The following SERF2 variants were observed in gnomAD, a reference collection of about 807,000 sequenced individuals.
SERF2 encodes small EDRK-rich factor 2, also known as gastric cancer-related protein VRG107.
Under a neutral mutation model 10.7 loss-of-function variants are expected in SERF2, and 4 were observed. That is an observed-to-expected ratio of 0.37 (90% CI 0.18 to 0.86). SERF2 has a LOEUF of 0.86. Among genes scored for constraint, SERF2 ranks in the 40% least tolerant of loss-of-function variants. The pLI is 0.43. For synonymous variants in SERF2, 26 were observed against 26.0 expected, an observed-to-expected ratio of 1.00 and a Z score of 0.01; for missense variants, 47 against 79.1, an observed-to-expected ratio of 0.59 and a Z score of 1.54.
At chr15:43,781,831 C>T (rs1374243039) in intron 1 of SERF2, among the ~76,000 whole-genome samples, 1 of 151,494 alleles carries the variant, frequency 6.6e-6, no homozygotes, top group Non-Finnish European at 1.5e-5. Flanking sequence ...ATCCACCTGC[C>T]TCGGCTTCTC....
Position 43,796,065 on chromosome 15 carries a change from T to A in SERF2, c.*2292T>A. The A allele has an allele frequency of 1.1e-6, 1 of 950,010 alleles. No homozygotes were observed. Among genetic ancestry groups the A allele is most frequent in the Non-Finnish European group, 1.7e-6 (1 of 585,518 alleles). The allele number at this position is 950,010 out of a possible 1,614,324, so 58.8% of individuals were successfully genotyped here. ...ATAAAAGGTAACAGCAGCTATAATC[T>A]GAGCATTCTGGGTAGAGGTTGGTAG... On this transcript the variant is annotated 3_prime_UTR_variant, in exon 3 of 3. Coordinates refer to ENST00000249786, the MANE Select transcript of SERF2 (RefSeq NM_001018108.4).
intron 1 of SERF2, among the ~76,000 whole-genome samples, chr15:43,778,628 G>A (rs886345669): frequency 6.8e-6 from 1 of 146,486 alleles, no homozygotes; most frequent in Non-Finnish European, 1.5e-5. Flanking sequence ...GGCTGGGTGC[G>A]GTAGCTCATG....
intron 1 of SERF2, among the ~76,000 whole-genome samples, chr15:43,785,053 A>ATTAT (rs1176540436): frequency 7.9e-6 from 1 of 126,410 alleles, no homozygotes; most frequent in African/African-American, 3.0e-5. Context: ...GTGCTCTGCC[A>ATTAT]TTATTTATTT....
chr15:43,788,598 C>T (rs1430065284), upstream of SERF2, among the ~76,000 whole-genome samples: 1 of 152,166 alleles, frequency 6.6e-6, no homozygotes, highest in Non-Finnish European at 1.5e-5. Flanking sequence ...AGACCTAGAG[C>T]CTGTTGCCTG....
rs776032811 is a variant in SERF2, at chr15:43,795,491, G to A, written c.*1718G>A. 6.2e-7 allele frequency: 1 copy of A among 1,614,220 alleles called. No individual in the cohort carries two copies. The highest frequency in any genetic ancestry group is 8.5e-7 in the Non-Finnish European group (1 of 1,180,036). On this transcript the variant is annotated 3_prime_UTR_variant, in exon 3 of 3. Transcript: ENST00000249786. Reference sequence around the variant, plus strand: ...GAAAGATGCTGGACTTGGACTGGAGGAGCTGGAGGGGTTTCTTGGTCAGCT... The same window carrying A: ...GAAAGATGCTGGACTTGGACTGGAGAAGCTGGAGGGGTTTCTTGGTCAGCT...
At chr15:43,788,167 G>A (rs1020450066), upstream of SERF2, among the ~76,000 whole-genome samples, 6 of 152,004 alleles carry the variant, frequency 3.9e-5, no homozygotes, top group Admixed American at 6.6e-5. Context: ...GAGCCACCAC[G>A]TTCAGCCTAA....
chr15:43,795,030 T>A lies in SERF2; in HGVS notation c.*1257T>A. ...CTGGAGGATATTTGTTATCTGGGGA[T>A]ATGATGCGGTGGCGGCGGCGCCTCA... is the stretch of plus-strand genomic sequence containing the variant. On this transcript the variant is annotated 3_prime_UTR_variant, in exon 3 of 3. Coordinates refer to ENST00000249786, the MANE Select transcript of SERF2 (RefSeq NM_001018108.4). 6.2e-7 allele frequency: 1 copy of A among 1,612,282 alleles called. No homozygotes were observed. Among genetic ancestry groups the A allele is most frequent in the Non-Finnish European group, 8.5e-7 (1 of 1,179,876 alleles).
chr15:43,795,115 A>G lies in SERF2; in HGVS notation c.*1342A>G. ...ACAGAGTGGTGCCAGTAACAGCCCC[A>G]GATAGAGGAGTACGCAGGCCCAGCA... On this transcript the variant is annotated 3_prime_UTR_variant, in exon 3 of 3. Coordinates refer to ENST00000249786, the MANE Select transcript of SERF2 (RefSeq NM_001018108.4). The G allele has an allele frequency of 6.2e-7, 1 of 1,614,080 alleles. No homozygotes were observed. Among genetic ancestry groups the G allele is most frequent in the Non-Finnish European group, 8.5e-7 (1 of 1,180,020 alleles).
chr15:43,791,683 C>CA (rs1312523904), upstream of SERF2, among the ~76,000 whole-genome samples: 1 of 152,240 alleles, frequency 6.6e-6, no homozygotes, highest in African/African-American at 2.4e-5. Context: ...CCAATACTTC[C>CA]AAGCTGCATG....
At position 43,780,579 on chromosome 15, in the gene SERF2, C is replaced by G. The variant is rs1016958334; in HGVS notation, c.-527+3077C>G. Among the ~76,000 whole-genome samples, 9 of 152,286 alleles carry G rather than the reference C, an allele frequency of 5.9e-5. No individual in the cohort carries two copies. In the East Asian group the frequency reaches 1.3e-3, roughly 23 times the overall value. On this transcript the variant is annotated intron_variant, in intron 1 of 4. Coordinates refer to the SERF2 transcript ENST00000381359. ...TTTAACAATTCCCGATTTCCCCCTC[C>G]TCCCAGCCCCTAGCAACAACCACCC...
upstream of SERF2, among the ~76,000 whole-genome samples, chr15:43,788,778 C>T (rs866649935): frequency 6.6e-6 from 1 of 152,198 alleles, no homozygotes; most frequent in South Asian, 2.1e-4. Context: ...GTTATTTAAC[C>T]TGCCAGGGCC....
Position 43,795,776 on chromosome 15 carries a change from A to G in SERF2, c.*2003A>G. 1 of 1,597,846 alleles carries G rather than the reference A, an allele frequency of 6.3e-7. No individual in the cohort carries two copies. Among genetic ancestry groups the G allele is most frequent in the Non-Finnish European group, 8.6e-7 (1 of 1,169,418 alleles). Reference sequence around the variant, plus strand: ...GCAGGTTTTGGAATGGTCTTAAAAGATGTGAGGGTGTTAATCTAGGAAACT... The same window carrying G: ...GCAGGTTTTGGAATGGTCTTAAAAGGTGTGAGGGTGTTAATCTAGGAAACT... On this transcript the variant is annotated 3_prime_UTR_variant, in exon 3 of 3. Transcript: ENST00000249786.
At chr15:43,783,922 C>T (rs2141669626) in intron 1 of SERF2, among the ~76,000 whole-genome samples, 1 of 137,228 alleles carries the variant, frequency 7.3e-6, no homozygotes, top group East Asian at 2.1e-4. Context: ...CCACCACGCC[C>T]AGCTATTTTT....
chr15:43,794,114 A>C lies in SERF2; in HGVS notation c.*341A>C. ...GGAAGAATGACTGCCCTTTCCCACC[A>C]AAAAAGGGAGAACTCTTTAGATTCA... On this transcript the variant is annotated 3_prime_UTR_variant, in exon 3 of 3. Coordinates refer to ENST00000249786, the MANE Select transcript of SERF2 (RefSeq NM_001018108.4). The C allele has an allele frequency of 1.4e-6, 1 of 739,510 alleles. No homozygotes were observed. 45.8% of individuals were successfully genotyped at this position (739,510 alleles called of 1,614,324 possible).
chr15:43,785,076 T>TG (rs1332392852), intron 1 of SERF2, among the ~76,000 whole-genome samples: 1 of 149,384 alleles, frequency 6.7e-6, no homozygotes, highest in Non-Finnish European at 1.5e-5. Flanking sequence ...TTATTACTTT[T>TG]TTTTTTTTTT....
intron 1 of SERF2, among the ~76,000 whole-genome samples, chr15:43,780,713 A>C (rs1327378688): frequency 6.6e-6 from 1 of 152,150 alleles, no homozygotes; most frequent in Non-Finnish European, 1.5e-5. Context: ...GAAACTGCAG[A>C]TAATACTGAA....
At chr15:43,792,197 G>A (rs2087074251), upstream of SERF2, 2 of 587,730 alleles carry the variant, frequency 3.4e-6, no homozygotes, top group Non-Finnish European at 6.2e-6. Context: ...TACCCACCCC[G>A]GCTCAAGCAC....
At chr15:43,780,765 C>T (rs1268681356) in intron 1 of SERF2, among the ~76,000 whole-genome samples, 1 of 152,152 alleles carries the variant, frequency 6.6e-6, no homozygotes, top group Non-Finnish European at 1.5e-5. Flanking sequence ...TTCATGTCTC[C>T]CATCCACAAA....
intron 1 of SERF2, among the ~76,000 whole-genome samples, chr15:43,784,306 T>C (rs1259173014): frequency 6.6e-6 from 1 of 152,170 alleles, no homozygotes; most frequent in Non-Finnish European, 1.5e-5. Flanking sequence ...CCATTCTGAT[T>C]CTTCATCCTT....
Sources: allele counts gnomAD v4.1 joint callset (sites outside exome capture counted in the v4.1 genomes callset), GRCh38; gene constraint gnomAD v4.1.1; transcripts MANE v1.5; gene names NCBI Gene and HGNC (gene_info 2026-07-23, HGNC 2026-07-21).